BRCA1: variants seen among roughly 807,000 people sequenced by gnomAD.
BRCA1 encodes BRCA1 DNA repair associated.
Under a neutral mutation model 173.7 loss-of-function variants are expected in BRCA1, and 140 were observed. The observed-to-expected ratio is 0.81, with a 90% CI of 0.70 to 0.93. The LOEUF is 0.93. BRCA1 is among the 40% of genes least tolerant of loss of function. The probability of loss-of-function intolerance (pLI) is 0.00; values close to 1 mark genes in which losing one functional copy is unlikely to be tolerated. For missense variants in BRCA1, 1,983 were observed against 2,172.5 expected (o/e 0.91, Z 1.73); for synonymous variants, 662 against 756.0 (o/e 0.88, Z 2.04).
upstream of BRCA1, among the ~76,000 whole-genome samples, chr17:43,126,423 T>C (rs1427062525): frequency 1.3e-5 from 2 of 152,026 alleles, no homozygotes; most frequent in Non-Finnish European, 2.9e-5. Context: ...GGTCTTTGCA[T>C]TGCCGCCTCC....
intron 2 of BRCA1, among the ~76,000 whole-genome samples, chr17:43,117,342 T>C (rs868406478): frequency 7.9e-5 from 12 of 152,152 alleles, no homozygotes; most frequent in African/African-American, 2.7e-4. Context: ...CTTTGGAGAC[T>C]AAGGTAGAAG....
chr17:43,045,831 A>G (rs2152616630), intron 22 of BRCA1, 29 bp from the exon 23 acceptor site: 2 of 1,576,114 alleles, frequency 1.3e-6, no homozygotes. Context: ...AGCAGAGATT[A>G]GTGTCAATTC....
intron 2 of BRCA1, among the ~76,000 whole-genome samples, chr17:43,118,910 C>T (rs962167168): frequency 6.6e-6 from 1 of 152,040 alleles, no homozygotes; most frequent in Admixed American, 6.6e-5. Flanking sequence ...ACTACAGGCG[C>T]GTGCTGCCAC....
At chr17:43,140,168 A>G (rs1340512636) in intron 1 of BRCA1, 1 of 316,996 alleles carries the variant, frequency 3.2e-6, no homozygotes, top group African/African-American at 2.2e-5. Context: ...AAGACAGGAC[A>G]TGGAGAGCTG....
chr17:43,068,967 G>A (rs2153749362), intron 15 of BRCA1, among the ~76,000 whole-genome samples: 1 of 152,328 alleles, frequency 6.6e-6, no homozygotes, highest in African/African-American at 2.4e-5. Flanking sequence ...TGACCTAGCT[G>A]GTAGGTATTG....
intron 1 of BRCA1, chr17:43,133,099 C>T (rs1389353742): frequency 6.6e-6 from 1 of 152,138 alleles, no homozygotes; most frequent in African/African-American, 2.4e-5. Context: ...CCTGTTTTCT[C>T]ATCCATACAA....
intron 1 of BRCA1, among the ~76,000 whole-genome samples, chr17:43,146,194 G>A (rs186902276): frequency 2.6e-4 from 40 of 151,880 alleles, no homozygotes; most frequent in African/African-American, 9.4e-4. Flanking sequence ...GAAGATATGG[G>A]TACTTAGTCT....
At chr17:43,166,058 C>G (rs1385333858) in intron 1 of BRCA1, 1 of 151,290 alleles carries the variant, frequency 6.6e-6, no homozygotes, top group Non-Finnish European at 1.5e-5. Flanking sequence ...ATCTCTCTCT[C>G]TTTCTCTCTT....
At chr17:43,135,501 C>G (rs1213227462) in intron 1 of BRCA1, among the ~76,000 whole-genome samples, 1 of 152,254 alleles carries the variant, frequency 6.6e-6, no homozygotes, top group Admixed American at 6.5e-5. Flanking sequence ...ATTGAGCTAT[C>G]ATGTCATAAG....
Position 43,115,793 on chromosome 17 carries a change from G to A in BRCA1, c.81-14C>T, listed in dbSNP as rs80358006. ...ATCAACTCCAGACTAGCAGGGTAGG[G>A]GGGGAGAAAAAGAAAATAAATGAGG... On this transcript the variant is annotated splice_polypyrimidine_tract_variant and intron_variant, in intron 2 of 22. Coordinates refer to ENST00000357654, the MANE Select transcript of BRCA1 (RefSeq NM_007294.4). The A allele has an allele frequency of 6.6e-4, 1,064 of 1,610,512 alleles. 2 individuals are homozygous for A. The highest frequency in any genetic ancestry group is 8.2e-4 in the Non-Finnish European group (970 of 1,178,330).
chr17:43,054,483 AGGC>A (rs2051377359), intron 19 of BRCA1, among the ~76,000 whole-genome samples: 1 of 152,252 alleles, frequency 6.6e-6, no homozygotes, highest in African/African-American at 2.4e-5. Context: ...AATGTTGGCC[AGGC>A]TGGAGTGCAG....
At chr17:43,158,297 G>T (rs369998653) in intron 1 of BRCA1, among the ~76,000 whole-genome samples, 33 of 152,246 alleles carry the variant, frequency 2.2e-4, no homozygotes, top group African/African-American at 6.3e-4. Context: ...TTCAAAAGCA[G>T]TTTTTTCCTA....
chr17:43,046,673 T>C (rs2050930346), intron 22 of BRCA1, among the ~76,000 whole-genome samples: 1 of 148,594 alleles, frequency 6.7e-6, no homozygotes, highest in Non-Finnish European at 1.5e-5. Flanking sequence ...GAGAATCATT[T>C]AAACCCAGGA....
At chr17:43,072,175 G>A (rs1304478070) in intron 14 of BRCA1, among the ~76,000 whole-genome samples, 2 of 151,738 alleles carry the variant, frequency 1.3e-5, no homozygotes, top group Admixed American at 6.6e-5. Context: ...ATCACCTGAG[G>A]TCAAGAGGTC....
At chr17:43,049,083 T>C (rs1716314954) in intron 21 of BRCA1, 38 bp downstream of exon 21, 2 of 1,586,142 alleles carry the variant, frequency 1.3e-6, no homozygotes, top group Non-Finnish European at 1.7e-6. Flanking sequence ...GGAGAGAATA[T>C]TGTGTCCTCC....
At chr17:43,078,437 G>C (rs2052841996) in intron 12 of BRCA1, among the ~76,000 whole-genome samples, 1 of 152,216 alleles carries the variant, frequency 6.6e-6, no homozygotes, top group Admixed American at 6.5e-5. Context: ...ATCTCACAGT[G>C]CTGGGATTAT....
At chr17:43,105,870 C>T (rs2054737775) in intron 4 of BRCA1, among the ~76,000 whole-genome samples, 1 of 152,014 alleles carries the variant, frequency 6.6e-6, no homozygotes. Flanking sequence ...AAACACACAC[C>T]TGTGAACCCC....
rs1555575182 is a variant in BRCA1 at position 43,049,184 on chromosome 17, T to G, written c.5343A>C (p.Glu1781Asp). ...PFTNMPTDQL[E>D]WMVQLCGASV... Reference sequence around the variant, plus strand: ...AAGCACCACACAGCTGTACCATCCATTCCAGTTGATCTAAAATGGACATTT... The same window carrying G: ...AAGCACCACACAGCTGTACCATCCAGTCCAGTTGATCTAAAATGGACATTT... Residue 1781 changes from glutamate (E) to aspartate (D), a missense_variant, in exon 21 of 23, where the codon GAA becomes GAC. Transcript: ENST00000357654. The G allele has an allele frequency of 1.2e-5, 19 of 1,614,078 alleles. No homozygotes were observed. The highest frequency in any genetic ancestry group is 1.6e-5 in the Non-Finnish European group (19 of 1,179,940).
intron 1 of BRCA1, among the ~76,000 whole-genome samples, chr17:43,152,556 T>TA (rs1289823920): frequency 6.6e-6 from 1 of 151,050 alleles, no homozygotes; most frequent in Non-Finnish European, 1.5e-5. Flanking sequence ...CTGTCTCTAT[T>TA]AAAAATACAA....
Sources: allele counts gnomAD v4.1 joint callset (sites outside exome capture counted in the v4.1 genomes callset), GRCh38; gene constraint gnomAD v4.1.1; transcripts MANE v1.5; gene names NCBI Gene and HGNC (gene_info 2026-07-23, HGNC 2026-07-21).